Variants in PDE4D observed in about 807,000 individuals in gnomAD.
PDE4D encodes 3',5'-cyclic-AMP phosphodiesterase 4D.
In PDE4D, 24 loss-of-function variants were observed where a neutral mutation model predicts 87.4. That is an observed-to-expected ratio of 0.27 (90% confidence interval 0.20 to 0.39). The LOEUF (loss-of-function observed/expected upper bound fraction) is 0.39, where lower values mean the gene tolerates loss of function less well. Ranked by LOEUF, PDE4D falls within the 10% of genes least tolerant of loss-of-function variation. The probability of loss-of-function intolerance (pLI) is 1.00; values close to 1 mark genes in which losing one functional copy is unlikely to be tolerated. For missense variants in PDE4D, 714 were observed against 1,041.0 expected (o/e 0.69, Z 4.32); for synonymous variants, 384 against 383.2 (o/e 1.00, Z -0.02).
intron 2 of PDE4D, among the ~76,000 whole-genome samples, chr5:60,179,946 T>C (rs1243245589): frequency 1.3e-5 from 2 of 152,188 alleles, no homozygotes; most frequent in Non-Finnish European, 2.9e-5. Flanking sequence ...GTAAGAATAA[T>C]TTTTTAATAT....
chr5:60,294,186 G>A (rs1334677668), intron 1 of PDE4D, among the ~76,000 whole-genome samples: 1 of 152,144 alleles, frequency 6.6e-6, no homozygotes, highest in African/African-American at 2.4e-5. Flanking sequence ...GCCTAAAGAT[G>A]TGGAGCACTC....
Position 59,172,045 on chromosome 5 carries a change from TAATATATATATATTA to T in PDE4D, c.808+8535_808+8549del, listed in dbSNP as rs1782959379. On this transcript the variant is annotated intron_variant, in intron 5 of 14. Coordinates refer to ENST00000340635, the MANE Select transcript of PDE4D (RefSeq NM_001104631.2). ...ATATAATAAATATATATTATATATATAATATATATATATTATATATATAATAAATATATATTATAT... is the reference window on the plus strand; with the variant it reads ...ATATAATAAATATATATTATATATATTATATATAATAAATATATATTATAT... 5.8e-4 allele frequency among the ~76,000 whole-genome samples: 4 copies of T among 6,930 alleles called. 1 individual carries two copies. The highest frequency in any genetic ancestry group is 3.0e-3 in the African/African-American group (4 of 1,328). The allele number at this position is 6,930 out of a possible 152,430, so 4.5% of individuals were successfully genotyped here.
At chr5:60,297,121 T>C (rs1313325280) in intron 1 of PDE4D, among the ~76,000 whole-genome samples, 1 of 152,214 alleles carries the variant, frequency 6.6e-6, no homozygotes, top group Admixed American at 6.5e-5. Context: ...ATTTATACAT[T>C]GAATGAAATT....
chr5:59,193,426 A>G lies in PDE4D; in HGVS notation c.684+74T>C, dbSNP rs1319413766. On this transcript the variant is annotated intron_variant, in intron 3 of 14. Coordinates refer to ENST00000340635, the MANE Select transcript of PDE4D (RefSeq NM_001104631.2). Reference sequence around the variant, plus strand: ...CTTGATTTAAAATTAAATTAAATTAATAACCCGAACTAATTCCCCAAATTA... The same window carrying G: ...CTTGATTTAAAATTAAATTAAATTAGTAACCCGAACTAATTCCCCAAATTA... 3 of 1,296,182 alleles carry G rather than the reference A, an allele frequency of 2.3e-6. No homozygotes were observed. In the South Asian group the frequency reaches 3.8e-5, roughly 16 times the overall value. The allele number at this position is 1,296,182 out of a possible 1,614,324, so 80.3% of individuals were successfully genotyped here.
chr5:59,504,249 T>C (rs546280748), intron 1 of PDE4D, among the ~76,000 whole-genome samples: 1 of 152,344 alleles, frequency 6.6e-6, no homozygotes, highest in East Asian at 1.9e-4. Flanking sequence ...TTACATACTA[T>C]AGTATTTCAT....
chr5:59,138,182 T>G (rs1777402102), intron 5 of PDE4D, among the ~76,000 whole-genome samples: 1 of 152,270 alleles, frequency 6.6e-6, no homozygotes, highest in African/African-American at 2.4e-5. Context: ...AGCTGTTTAG[T>G]GCATGTGTTT....
intron 3 of PDE4D, among the ~76,000 whole-genome samples, chr5:59,192,292 A>T (rs181394566): frequency 1.3e-5 from 2 of 152,288 alleles, no homozygotes; most frequent in Admixed American, 6.5e-5. Context: ...ACCAATCACA[A>T]AGTTTTTATA....
chr5:59,689,034 C>T (rs929106469), intron 1 of PDE4D, among the ~76,000 whole-genome samples: 1 of 152,016 alleles, frequency 6.6e-6, no homozygotes, highest in Admixed American at 6.6e-5. Flanking sequence ...AAGTTGAATC[C>T]CTCAATAGAC....
intron 5 of PDE4D, among the ~76,000 whole-genome samples, chr5:59,107,611 A>G (rs1307299502): frequency 6.6e-6 from 1 of 152,220 alleles, no homozygotes; most frequent in African/African-American, 2.4e-5. Flanking sequence ...TAGAAGGAGA[A>G]GTAGAGGGGA....
At chr5:59,205,970 T>C (rs1748702889) in intron 2 of PDE4D, among the ~76,000 whole-genome samples, 1 of 152,184 alleles carries the variant, frequency 6.6e-6, no homozygotes, top group South Asian at 2.1e-4. Flanking sequence ...GAGCAGTTAT[T>C]CTTTTTCTTT....
chr5:60,139,286 C>A (rs181441196), intron 2 of PDE4D, among the ~76,000 whole-genome samples: 1 of 152,126 alleles, frequency 6.6e-6, no homozygotes, highest in South Asian at 2.1e-4. Flanking sequence ...AATGGCAATG[C>A]TACACTCATC....
intron 5 of PDE4D, among the ~76,000 whole-genome samples, chr5:59,157,735 C>T (rs1219083644): frequency 1.3e-5 from 2 of 152,142 alleles, no homozygotes; most frequent in Non-Finnish European, 2.9e-5. Flanking sequence ...TTGGCTAATA[C>T]TTCTCCCTCC....
intron 1 of PDE4D, among the ~76,000 whole-genome samples, chr5:60,501,112 T>C (rs140933670): frequency 0.022 from 3,376 of 152,172 alleles, 113 homozygotes; most frequent in African/African-American, 0.078. Flanking sequence ...AACTCATCAT[T>C]TAGCATTAGG....
At chr5:59,197,215 T>C (rs1322028370) in intron 2 of PDE4D, among the ~76,000 whole-genome samples, 1 of 152,190 alleles carries the variant, frequency 6.6e-6, no homozygotes, top group Non-Finnish European at 1.5e-5. Context: ...ATTAAAACAT[T>C]TAATTTTCTC....
chr5:60,405,471 T>C (rs967323913), intron 1 of PDE4D, among the ~76,000 whole-genome samples: 42 of 152,212 alleles, frequency 2.8e-4, no homozygotes, highest in African/African-American at 1.0e-3. Flanking sequence ...TGAAGGACAA[T>C]GAGGTCACTG....
intron 1 of PDE4D, among the ~76,000 whole-genome samples, chr5:59,353,434 T>C (rs1449195001): frequency 6.6e-6 from 1 of 151,962 alleles, no homozygotes; most frequent in Admixed American, 6.6e-5. Context: ...GAGCACATCA[T>C]TCTCCTCTTT....
intron 5 of PDE4D, among the ~76,000 whole-genome samples, chr5:59,103,411 G>A (rs528566796): frequency 1.3e-5 from 2 of 152,060 alleles, no homozygotes; most frequent in Non-Finnish European, 2.9e-5. Context: ...CCACAGATGT[G>A]ACTTGTTTGG....
chr5:60,096,908 C>A (rs1462522338), intron 2 of PDE4D, among the ~76,000 whole-genome samples: 1 of 152,076 alleles, frequency 6.6e-6, no homozygotes, highest in African/African-American at 2.4e-5. Context: ...CAACACTCTT[C>A]TTTCTTTTCA....
intron 1 of PDE4D, among the ~76,000 whole-genome samples, chr5:59,466,593 T>TAG (rs1801615568): frequency 6.6e-6 from 1 of 152,162 alleles, no homozygotes; most frequent in Non-Finnish European, 1.5e-5. Context: ...TTTTTTTCTG[T>TAG]CCAGATAAGG....
Sources: allele counts gnomAD v4.1 joint callset (sites outside exome capture counted in the v4.1 genomes callset), GRCh38; gene constraint gnomAD v4.1.1; transcripts MANE v1.5; gene names NCBI Gene and HGNC (gene_info 2026-07-23, HGNC 2026-07-21).